The following DLGAP2 variants were observed in gnomAD, a reference collection of about 807,000 sequenced individuals.
DLGAP2 encodes disks large-associated protein 2.
DLGAP2 carries 26 observed loss-of-function variants against 100.3 expected under a neutral mutation model. The ratio of observed to expected loss-of-function variants is 0.26; its 90% CI spans 0.19 to 0.36. The LOEUF (loss-of-function observed/expected upper bound fraction) is 0.36, where lower values mean the gene tolerates loss of function less well. DLGAP2 is among the 10% of genes least tolerant of loss of function. The pLI is 1.00. For missense variants in DLGAP2, 1,858 were observed against 1,453.2 expected (o/e 1.28, Z -4.53); for synonymous variants, 886 against 630.1 (o/e 1.41, Z -6.08).
At chr8:822,539 C>A (rs987318669) in intron 1 of DLGAP2, among the ~76,000 whole-genome samples, 7 of 152,172 alleles carry the variant, frequency 4.6e-5, no homozygotes, top group African/African-American at 1.4e-4. Context: ...ATTCGGGAGG[C>A]CTGACAGAGA....
At chr8:1,059,499 T>G (rs1364125310) in intron 2 of DLGAP2, among the ~76,000 whole-genome samples, 1 of 152,148 alleles carries the variant, frequency 6.6e-6, no homozygotes, top group African/African-American at 2.4e-5. Flanking sequence ...GAGGATTGAA[T>G]GAGCAGAGCA....
chr8:1,416,705 A>G (rs1420479716), intron 3 of DLGAP2, among the ~76,000 whole-genome samples: 2 of 152,176 alleles, frequency 1.3e-5, no homozygotes, highest in Non-Finnish European at 2.9e-5. Context: ...CTTAATAAGT[A>G]AAACAAGGAA....
In DLGAP2 at chr8:910,182, C is replaced by T. The variant is rs372945924; in HGVS notation, c.73+2216C>T. 7.9e-5 allele frequency among the ~76,000 whole-genome samples: 12 copies of T among 152,322 alleles called. No individual in the cohort carries two copies. The East Asian group carries it at 9.6e-4, about 12-fold the overall frequency. The stretch of plus-strand genomic sequence containing the variant: ...CATCACCATGGCGGATTCTGCATTA[C>T]GGGTGCTTGACCACAATTAGAAAGA... On this transcript the variant is annotated intron_variant, in intron 2 of 14. Coordinates refer to ENST00000637795, the MANE Select transcript of DLGAP2 (RefSeq NM_001346810.2).
chr8:1,027,596 G>C (rs1280937138), intron 2 of DLGAP2, among the ~76,000 whole-genome samples: 257 of 54,220 alleles, frequency 4.7e-3, no homozygotes, highest in Middle Eastern at 0.032. Context: ...GGGTGCCAGG[G>C]GCCCGTTATT....
rs1419057453 is a variant in DLGAP2, at chr8:1,625,933, G to GTGGGT, written c.1443-804_1443-803insGTTGG. ...GGAAATGTGATGCTAGCCTCTGGGT[G>GTGGGT]TGGATTGGACGGTCGTTCCCATCTC... On this transcript the variant is annotated intron_variant, in intron 6 of 14. Coordinates refer to ENST00000637795, the MANE Select transcript of DLGAP2 (RefSeq NM_001346810.2). Among the ~76,000 whole-genome samples, 89 of 152,068 alleles carry GTGGGT rather than the reference G, an allele frequency of 5.9e-4. 9 individuals are homozygous for GTGGGT. The highest frequency in any genetic ancestry group is 1.2e-3 in the African/African-American group (48 of 41,498).
rs577945147 is a variant in DLGAP2 at position 1,521,823 on chromosome 8, G to T, written c.172+20392G>T. 2.4e-4 allele frequency among the ~76,000 whole-genome samples: 34 copies of T among 140,572 alleles called. No homozygotes were observed. The East Asian group carries it at 7.2e-3, about 30-fold the overall frequency. 92.2% of individuals were successfully genotyped at this position (140,572 alleles called of 152,430 possible). ...TATGGGGCATCTGGTTTGCACACTT[G>T]TTTTAATTTGGAATACTCGGGGGCA... On this transcript the variant is annotated intron_variant, in intron 4 of 14. Transcript: ENST00000637795.
chr8:874,316 T>C (rs969726887), intron 1 of DLGAP2, among the ~76,000 whole-genome samples: 3 of 152,200 alleles, frequency 2.0e-5, no homozygotes, highest in African/African-American at 7.2e-5. Flanking sequence ...GAGGTCTTTC[T>C]TTTTCCTTCA....
chr8:1,246,373 C>T (rs1294224484), intron 2 of DLGAP2, among the ~76,000 whole-genome samples: 6 of 152,166 alleles, frequency 3.9e-5, no homozygotes, highest in Non-Finnish European at 5.9e-5. Flanking sequence ...AACCGCTTTC[C>T]CATCTCCAGC....
At chr8:1,486,891 A>G (rs1799248280) in intron 3 of DLGAP2, among the ~76,000 whole-genome samples, 1 of 152,202 alleles carries the variant, frequency 6.6e-6, no homozygotes, top group South Asian at 2.1e-4. Flanking sequence ...CTCTGCCTGG[A>G]ACGTTTGTCT....
At chr8:1,339,999 AG>A (rs966864285) in intron 3 of DLGAP2, among the ~76,000 whole-genome samples, 3 of 152,254 alleles carry the variant, frequency 2.0e-5, no homozygotes, top group African/African-American at 7.2e-5. Flanking sequence ...ATGTTTAGAA[AG>A]GGTTCCTTAT....
intron 3 of DLGAP2, among the ~76,000 whole-genome samples, chr8:1,492,346 C>G (rs1003810457): frequency 8.5e-5 from 13 of 152,332 alleles, no homozygotes; most frequent in African/African-American, 3.1e-4. Context: ...AAACAGCCTT[C>G]AAATCCTGTC....
intron 1 of DLGAP2, among the ~76,000 whole-genome samples, chr8:784,793 G>A (rs1470162536): frequency 6.6e-6 from 1 of 152,172 alleles, no homozygotes; most frequent in Non-Finnish European, 1.5e-5. Context: ...AAGACCCAGT[G>A]TCATAATTAA....
intron 2 of DLGAP2, among the ~76,000 whole-genome samples, chr8:1,044,826 A>G (rs1802472794): frequency 6.6e-6 from 1 of 152,180 alleles, no homozygotes; most frequent in Non-Finnish European, 1.5e-5. Context: ...GACCTGCAGA[A>G]CGGACCCACC....
At chr8:977,964 G>C (rs58039901) in intron 2 of DLGAP2, among the ~76,000 whole-genome samples, 2 of 75,480 alleles carry the variant, frequency 2.6e-5, no homozygotes, top group African/African-American at 1.0e-4. Context: ...TGAGGAGCTG[G>C]GTTCTGGTCT....
At chr8:1,534,997 C>T (rs1801108830) in intron 4 of DLGAP2, among the ~76,000 whole-genome samples, 4 of 152,252 alleles carry the variant, frequency 2.6e-5, no homozygotes. Flanking sequence ...TGCCAGAGCG[C>T]ACTGTTTTCG....
At chr8:1,277,291 C>G (rs1030974468) in intron 3 of DLGAP2, among the ~76,000 whole-genome samples, 17 of 152,270 alleles carry the variant, frequency 1.1e-4, no homozygotes, top group African/African-American at 3.9e-4. Context: ...GTAGCCCCCC[C>G]AGTTATTTGG....
At chr8:1,365,485 A>G (rs564980254) in intron 3 of DLGAP2, among the ~76,000 whole-genome samples, 1 of 152,310 alleles carries the variant, frequency 6.6e-6, no homozygotes, top group East Asian at 1.9e-4. Flanking sequence ...AAGAAACTGC[A>G]GTTACTGAGC....
intron 2 of DLGAP2, among the ~76,000 whole-genome samples, chr8:925,982 C>G (rs1383196838): frequency 1.3e-5 from 2 of 152,322 alleles, no homozygotes; most frequent in African/African-American, 2.4e-5. Context: ...ACACATCACA[C>G]TGCCATTACT....
At chr8:1,586,733 G>A (rs934975290) in intron 6 of DLGAP2, among the ~76,000 whole-genome samples, 1 of 152,226 alleles carries the variant, frequency 6.6e-6, no homozygotes, top group Non-Finnish European at 1.5e-5. Flanking sequence ...ACTGCTGCGT[G>A]ACTTTAACAT....
Sources: gnomAD v4.1 joint callset for allele counts (sites outside exome capture counted in the v4.1 genomes callset) on GRCh38, gnomAD v4.1.1 for gene constraint, MANE v1.5 for transcripts, NCBI Gene and HGNC (gene_info 2026-07-23, HGNC 2026-07-21) for gene names.